Variants in KCTD19 observed in about 807,000 individuals in gnomAD.
KCTD19 encodes the protein BTB/POZ domain-containing protein KCTD19.
A neutral mutation model predicts 103.5 loss-of-function variants in KCTD19; 67 were observed. That is an observed-to-expected ratio of 0.65 (90% CI 0.53 to 0.79). KCTD19 has a LOEUF of 0.79. Among genes scored for constraint, KCTD19 ranks in the 30% least tolerant of loss-of-function variants. The probability of loss-of-function intolerance (pLI) is 0.00; values close to 1 mark genes in which losing one functional copy is unlikely to be tolerated. For synonymous variants in KCTD19, 439 were observed against 452.2 expected, an observed-to-expected ratio of 0.97 and a Z score of 0.37; for missense variants, 980 against 1,136.1, an observed-to-expected ratio of 0.86 and a Z score of 1.98.
At chr16:67,326,327 C>T (rs1431618021) in intron 1 of KCTD19, among the ~76,000 whole-genome samples, 1 of 151,966 alleles carries the variant, frequency 6.6e-6, no homozygotes, top group Non-Finnish European at 1.5e-5. Context: ...TGGAGCTCCC[C>T]ATCATGCCTT....
Position 67,326,710 on chromosome 16 carries a change from T to C in KCTD19, c.-3A>G. The C allele has an allele frequency of 6.3e-7, 1 of 1,577,354 alleles. No homozygotes were observed. Among genetic ancestry groups the C allele is most frequent in the Non-Finnish European group, 8.6e-7 (1 of 1,166,616 alleles). ...CGCCAGAGCGGGCTCCGTACCATGG[T>C]CGCGGCTCCAGCAGCGGGCGGGCGG... On this transcript the variant is annotated 5_prime_UTR_variant, in exon 1 of 16. Coordinates refer to ENST00000304372, the MANE Select transcript of KCTD19 (RefSeq NM_001100915.3).
At chr16:67,307,968 C>T (rs2142513474) in intron 2 of KCTD19, among the ~76,000 whole-genome samples, 1 of 152,272 alleles carries the variant, frequency 6.6e-6, no homozygotes, top group South Asian at 2.1e-4. Context: ...CCAGCCTCTG[C>T]TGCCTTCCAC....
intron 2 of KCTD19, among the ~76,000 whole-genome samples, chr16:67,314,249 T>C (rs1254113141): frequency 7.2e-6 from 1 of 139,216 alleles, no homozygotes; most frequent in Admixed American, 7.7e-5. Flanking sequence ...TCCTTCCCCC[T>C]CTCTTCCCTT....
At position 67,293,299 on chromosome 16, in the gene KCTD19, T is replaced by C. The variant is rs1009770858; in HGVS notation, c.2218+245A>G. Among the ~76,000 whole-genome samples the C allele has an allele frequency of 1.3e-5, 2 of 152,162 alleles. No homozygotes were observed. Among genetic ancestry groups the C allele is most frequent in the Non-Finnish European group, 2.9e-5 (2 of 68,032 alleles). On this transcript the variant is annotated intron_variant, in intron 12 of 15. Transcript: ENST00000304372. The surrounding 1 kb of genome is among the most constrained non-coding windows in gnomAD (Gnocchi z 4.0). ...TGACTCCCCAGCCCTCAGCCTCTTTTGTGCTCCTGCTTCATAGGCACCTCC... is the reference window on the plus strand; with the variant it reads ...TGACTCCCCAGCCCTCAGCCTCTTTCGTGCTCCTGCTTCATAGGCACCTCC...
Position 67,289,575 on chromosome 16 carries a change from C to T in KCTD19, c.2775G>A (p.Glu925=). Residue 925 remains glutamate (E), a synonymous_variant, in exon 16 of 16, where the codon GAG becomes GAA. Coordinates refer to ENST00000304372, the MANE Select transcript of KCTD19 (RefSeq NM_001100915.3). ...SYSILGKYLQ[E]D ...GGCTGCATCTCTGGGCACCCTAGTC[C>T]TCTTGTAGGTACTTTCCCAGGATGG... 1.9e-6 allele frequency: 3 copies of T among 1,609,352 alleles called. No homozygotes were observed. The highest frequency in any genetic ancestry group is 2.6e-6 in the Non-Finnish European group (3 of 1,175,766).
At chr16:67,305,933 G>A (rs1050836410) in intron 2 of KCTD19, among the ~76,000 whole-genome samples, 15 of 152,140 alleles carry the variant, frequency 9.9e-5, no homozygotes, top group African/African-American at 3.6e-4. Flanking sequence ...GCAAAAGAAG[G>A]CGGGCCAGAG....
rs542385366 is a variant in KCTD19 at position 67,310,445 on chromosome 16, G to A, written c.301-5874C>T. Reference sequence around the variant, plus strand: ...TCTTCTACAGGCTGACTTCAAGTCCGCTTTCATCTGCCTGAATACAACTTC... The same window carrying A: ...TCTTCTACAGGCTGACTTCAAGTCCACTTTCATCTGCCTGAATACAACTTC... On this transcript the variant is annotated intron_variant, in intron 2 of 15. Coordinates refer to ENST00000304372, the MANE Select transcript of KCTD19 (RefSeq NM_001100915.3). Among the ~76,000 whole-genome samples, 8 of 152,274 alleles carry A rather than the reference G, an allele frequency of 5.3e-5. No individual in the cohort carries two copies. In the South Asian group the frequency reaches 1.2e-3, roughly 24 times the overall value.
rs749638733 is a variant in KCTD19, at chr16:67,294,685, A to G, written c.1485T>C (p.Thr495=). The G allele has an allele frequency of 6.2e-7, 1 of 1,613,378 alleles. No homozygotes were observed. Among genetic ancestry groups the G allele is most frequent in the East Asian group, 2.2e-5 (1 of 44,878 alleles). ...CTTCATTTTCAGATTCTTTCTCCTG[A>G]GTCCATGACCTGCAGAAACCAAGAG... ...LAQCEAYKSW[T]QEKESENEEA... is the part of the protein sequence containing the mutation. The change falls in exon 11 of 16, where the codon ACT becomes ACC. Residue 495 remains threonine, a synonymous_variant. Coordinates refer to ENST00000304372, the MANE Select transcript of KCTD19 (RefSeq NM_001100915.3).
chr16:67,308,043 A>C (rs1206459395), intron 2 of KCTD19, among the ~76,000 whole-genome samples: 2 of 152,090 alleles, frequency 1.3e-5, no homozygotes, highest in African/African-American at 4.8e-5. Context: ...AAAATCTGGA[A>C]GCTGTTGTAA....
rs147730959 is a variant in KCTD19, at chr16:67,294,385, C to T, written c.1590+195G>A. ...TTCCAACAGGAGATACAATCAGCAT[C>T]GCAGGCCACAAGTGGCCAGTAAGTT... On this transcript the variant is annotated intron_variant, in intron 11 of 15. Transcript: ENST00000304372. Among the ~76,000 whole-genome samples, 23 of 152,344 alleles carry T rather than the reference C, an allele frequency of 1.5e-4. No homozygotes were observed. The Middle Eastern group carries it at 0.014, about 90-fold the overall frequency.
chr16:67,303,374 A>C lies in KCTD19; in HGVS notation c.452-37T>G. ...CATGCAGGCAGTGTTGCCACCTCTC[A>C]GAAGCCAGGGATCTGATTCCAGCAG... On this transcript the variant is annotated intron_variant, in intron 3 of 15. Transcript: ENST00000304372. This position sits in a 1 kb window ranked among gnomAD's most constrained non-coding sequence, Gnocchi z 4.3. 1.0e-5 allele frequency: 16 copies of C among 1,559,722 alleles called. No individual in the cohort carries two copies. The highest frequency in any genetic ancestry group is 2.3e-5 in the East Asian group (1 of 44,142).
chr16:67,322,443 C>T (rs1381512648), intron 1 of KCTD19, among the ~76,000 whole-genome samples: 1 of 151,988 alleles, frequency 6.6e-6, no homozygotes, highest in African/African-American at 2.4e-5. Flanking sequence ...GGACTACAGG[C>T]ACCCGCCACC....
At chr16:67,296,283 C>T in intron 7 of KCTD19, 24 bp from the exon 8 acceptor site, 1 of 1,455,618 alleles carries the variant, frequency 6.9e-7, no homozygotes. Flanking sequence ...GGAGATAGAA[C>T]ACATCATCAT....
At position 67,303,985 on chromosome 16, in the gene KCTD19, T is replaced by C. The variant is rs2036864559; in HGVS notation, c.451+436A>G. Among the ~76,000 whole-genome samples the C allele has an allele frequency of 6.6e-6, 1 of 152,214 alleles. No homozygotes were observed. Among genetic ancestry groups the C allele is most frequent in the African/African-American group, 2.4e-5 (1 of 41,458 alleles). On this transcript the variant is annotated intron_variant, in intron 3 of 15. Coordinates refer to ENST00000304372, the MANE Select transcript of KCTD19 (RefSeq NM_001100915.3). This position sits in a 1 kb window ranked among gnomAD's most constrained non-coding sequence, Gnocchi z 4.3. Reference sequence around the variant, plus strand: ...CAAACACAGTGATCCACAGACAAAATAGATGCTTTTGACACTCCTGGAAGC... The same window carrying C: ...CAAACACAGTGATCCACAGACAAAACAGATGCTTTTGACACTCCTGGAAGC...
At chr16:67,319,871 T>G (rs961736568) in intron 2 of KCTD19, among the ~76,000 whole-genome samples, 2 of 152,100 alleles carry the variant, frequency 1.3e-5, no homozygotes, top group Non-Finnish European at 2.9e-5. Flanking sequence ...GAGGTGATAT[T>G]CTTGATAAAT....
chr16:67,301,711 G>A, intron 5 of KCTD19, 80 bp downstream of exon 5: 1 of 1,354,860 alleles, frequency 7.4e-7, no homozygotes, highest in Non-Finnish European at 1.0e-6. Flanking sequence ...CGAAGTGATT[G>A]TGGGAGGGAA....
intron 11 of KCTD19, among the ~76,000 whole-genome samples, 182 bp downstream of exon 11, chr16:67,294,398 T>G (rs979563272): frequency 8.5e-5 from 13 of 152,232 alleles, no homozygotes; most frequent in Admixed American, 7.2e-4. Context: ...AGGCCACAAG[T>G]GGCCAGTAAG....
At position 67,320,143 on chromosome 16, in the gene KCTD19, TCTTAGGGAGGCTGAGGGAGCA is replaced by T. The variant is rs1240204083; in HGVS notation, c.300+425_300+445del. Among the ~76,000 whole-genome samples, 5 of 151,998 alleles carry T rather than the reference TCTTAGGGAGGCTGAGGGAGCA, an allele frequency of 3.3e-5. No individual in the cohort carries two copies. Among genetic ancestry groups the T allele is most frequent in the African/African-American group, 1.2e-4 (5 of 41,382 alleles). Reference sequence around the variant, plus strand: ...AGTGGCTCATGCCGGTAATCCCAGCTCTTAGGGAGGCTGAGGGAGCACTTAGGGAGGCCAATTAGAGAGGAC... The same window carrying T: ...AGTGGCTCATGCCGGTAATCCCAGCTCTTAGGGAGGCCAATTAGAGAGGAC... On this transcript the variant is annotated intron_variant, in intron 2 of 15. Transcript: ENST00000304372. This position sits in a 1 kb window ranked among gnomAD's most constrained non-coding sequence, Gnocchi z 4.0.
At chr16:67,295,499 T>A in intron 8 of KCTD19, 94 bp from the exon 9 acceptor site, 1 of 1,189,008 alleles carries the variant, frequency 8.4e-7, no homozygotes, top group Non-Finnish European at 1.2e-6. Flanking sequence ...CCAACTACAC[T>A]AGAGCAGAGG....
Sources: gnomAD v4.1 joint callset for allele counts (sites outside exome capture counted in the v4.1 genomes callset) on GRCh38, gnomAD v4.1.1 for gene constraint, Gnocchi (gnomAD v3.1) non-coding constraint, MANE v1.5 for transcripts, NCBI Gene and HGNC (gene_info 2026-07-23, HGNC 2026-07-21) for gene names.